Variants in DNAJC27 observed in about 807,000 individuals in gnomAD.
DNAJC27 encodes the protein dnaJ homolog subfamily C member 27.
Under a neutral mutation model 31.4 loss-of-function variants are expected in DNAJC27, and 25 were observed. The ratio of observed to expected loss-of-function variants is 0.80; its 90% confidence interval spans 0.58 to 1.11. DNAJC27 has a LOEUF of 1.11. Among genes scored for constraint, DNAJC27 ranks in the 50% most tolerant of loss-of-function variants. DNAJC27 has a pLI of 0.00. For missense variants in DNAJC27, 356 were observed against 347.3 expected, an observed-to-expected ratio of 1.02 and a Z score of -0.20; for synonymous variants, 106 against 112.7, an observed-to-expected ratio of 0.94 and a Z score of 0.37.
intron 3 of DNAJC27, among the ~76,000 whole-genome samples, chr2:24,959,332 T>A (rs1665986579): frequency 6.6e-6 from 1 of 152,170 alleles, no homozygotes; most frequent in Non-Finnish European, 1.5e-5. Flanking sequence ...TCGTTTTGAA[T>A]CCTTCCTCCC....
chr2:24,948,749 C>CT (rs1158239384), intron 6 of DNAJC27, among the ~76,000 whole-genome samples: 1 of 152,194 alleles, frequency 6.6e-6, no homozygotes, highest in Non-Finnish European at 1.5e-5. Flanking sequence ...TCATCATCCT[C>CT]TGGTGTCAGG....
intron 5 of DNAJC27, among the ~76,000 whole-genome samples, chr2:24,952,615 C>G (rs935983047): frequency 1.3e-5 from 2 of 151,952 alleles, no homozygotes; most frequent in Admixed American, 1.3e-4. Context: ...GGATAAATTC[C>G]TAAAAGCAGA....
intron 2 of DNAJC27, among the ~76,000 whole-genome samples, chr2:24,964,167 T>C (rs1336684640): frequency 6.6e-6 from 1 of 152,054 alleles, no homozygotes; most frequent in African/African-American, 2.4e-5. Flanking sequence ...ACGCCTGTAA[T>C]CCCAGCACTG....
intron 3 of DNAJC27, among the ~76,000 whole-genome samples, chr2:24,959,960 C>G (rs141413728): frequency 1.2e-4 from 19 of 152,290 alleles, no homozygotes; most frequent in Admixed American, 2.6e-4. Flanking sequence ...TTGTGTCACC[C>G]ACAGGGCCTA....
At position 24,947,113 on chromosome 2, in the gene DNAJC27, C is replaced by A. The variant is rs1293439962; in HGVS notation, c.*503G>T. Reference sequence around the variant, plus strand: ...GCTGCCAAGAGTCATCATTATAGATCGATGGGTTAAAATACCACCTAAGGA... The same window carrying A: ...GCTGCCAAGAGTCATCATTATAGATAGATGGGTTAAAATACCACCTAAGGA... On this transcript the variant is annotated 3_prime_UTR_variant, in exon 7 of 7. Coordinates refer to ENST00000264711, the MANE Select transcript of DNAJC27 (RefSeq NM_016544.3). 6.5e-6 allele frequency: 1 copy of A among 153,012 alleles called. No homozygotes were observed. The highest frequency in any genetic ancestry group is 1.9e-4 in the East Asian group (1 of 5,214). 9.5% of individuals were successfully genotyped at this position (153,012 alleles called of 1,614,324 possible).
rs1401006598 is a variant in DNAJC27, at chr2:24,967,253, G to T, written c.128C>A (p.Ser43Tyr). Reference protein sequence around the residue: ...IKRYCEKRFVSKYLATIGIDY... With the variant: ...IKRYCEKRFVYKYLATIGIDY... ...AATTCCAATTGTTGCCAGGTATTTA[G>T]ACACGAATCTTTTCTCACAGTATCG... The change falls in exon 2 of 7, where the codon TCT (serine) becomes TAT (tyrosine). Residue 43 changes from serine to tyrosine, a missense_variant. Coordinates refer to ENST00000264711, the MANE Select transcript of DNAJC27 (RefSeq NM_016544.3). 3.7e-6 allele frequency: 6 copies of T among 1,613,758 alleles called. No individual in the cohort carries two copies. Among genetic ancestry groups the T allele is most frequent in the Non-Finnish European group, 5.1e-6 (6 of 1,179,838 alleles).
At chr2:24,957,737 CTTTTT>C (rs1665942200) in intron 4 of DNAJC27, 68 bp downstream of exon 4, 11 of 1,386,020 alleles carry the variant, frequency 7.9e-6, no homozygotes, top group South Asian at 2.6e-5. Context: ...TTTTTCTTTT[CTTTTT>C]GTTTCCCAAC....
At chr2:24,957,567 C>T (rs2241834) in intron 4 of DNAJC27, among the ~76,000 whole-genome samples, 14,133 of 151,880 alleles carry the variant, frequency 0.093, 890 homozygotes, top group East Asian at 0.25. Flanking sequence ...CCATTGCTCC[C>T]ACTCAGTCAC....
chr2:24,952,342 C>T (rs79574809), intron 5 of DNAJC27, among the ~76,000 whole-genome samples: 74 of 152,248 alleles, frequency 4.9e-4, no homozygotes, highest in Non-Finnish European at 9.7e-4. Context: ...TAAAGGAGAT[C>T]AGACTAAACA....
intron 1 of DNAJC27, among the ~76,000 whole-genome samples, chr2:24,967,953 CCTTT>C (rs1313758475): frequency 6.8e-6 from 1 of 147,718 alleles, no homozygotes; most frequent in Non-Finnish European, 1.5e-5. Flanking sequence ...TAGATTAATT[CCTTT>C]TTTTTTTTTT....
Position 24,947,664 on chromosome 2 carries a change from G to A in DNAJC27, c.774C>T (p.Phe258=). 6.2e-7 allele frequency: 1 copy of A among 1,612,942 alleles called. No individual in the cohort carries two copies. The highest frequency in any genetic ancestry group is 8.5e-7 in the Non-Finnish European group (1 of 1,179,056). The change falls in exon 7 of 7, where the codon TTC becomes TTT. Residue 258 remains phenylalanine, a synonymous_variant. Coordinates refer to ENST00000264711, the MANE Select transcript of DNAJC27 (RefSeq NM_016544.3). ...KCVAPGSEDA[F]KAVVNARTAL... Reference sequence around the variant, plus strand: ...CTGTCCGAGCATTCACAACTGCTTTGAAGGCATCTTCACTGCCAGGTGCTA... The same window carrying A: ...CTGTCCGAGCATTCACAACTGCTTTAAAGGCATCTTCACTGCCAGGTGCTA...
At chr2:24,956,924 AAAAG>A in intron 5 of DNAJC27, 115 bp downstream of exon 5, 2 of 1,235,674 alleles carry the variant, frequency 1.6e-6, no homozygotes, top group Non-Finnish European at 2.2e-6. Context: ...AGATTCTTTG[AAAAG>A]AAAGAGCTTA....
rs773425774 is a variant in DNAJC27, at chr2:24,963,500, CGAAA to C, written c.171-30_171-27del. ...CTGAAATGTTCAAATGGAAACAATC[CGAAA>C]GAAAGTCATGGTTTCTCCATTTACC... is the stretch of plus-strand genomic sequence containing the variant. On this transcript the variant is annotated intron_variant, in intron 2 of 6. Coordinates refer to ENST00000264711, the MANE Select transcript of DNAJC27 (RefSeq NM_016544.3). 8.2e-6 allele frequency: 13 copies of C among 1,581,554 alleles called. No homozygotes were observed. In the African/African-American group the frequency reaches 1.3e-4, roughly 16 times the overall value.
chr2:24,964,510 T>A (rs953924605), intron 2 of DNAJC27, among the ~76,000 whole-genome samples: 1 of 151,364 alleles, frequency 6.6e-6, no homozygotes, highest in Non-Finnish European at 1.5e-5. Flanking sequence ...GGCCAACAGG[T>A]AGAGAGGGAG....
At chr2:24,951,291 C>T (rs1354495468) in intron 6 of DNAJC27, 103 bp downstream of exon 6, 24 of 1,170,228 alleles carry the variant, frequency 2.1e-5, no homozygotes, top group African/African-American at 3.1e-5. Context: ...CATACATCTT[C>T]GTATTTCCAG....
At chr2:24,971,487 G>A in intron 1 of DNAJC27, 2 of 203,252 alleles carry the variant, frequency 9.8e-6, no homozygotes, top group East Asian at 1.1e-4. Flanking sequence ...CCCGGTCCCG[G>A]ACGGCCCCCT....
chr2:24,956,915 G>T, intron 5 of DNAJC27, 128 bp downstream of exon 5: 1 of 1,125,388 alleles, frequency 8.9e-7, no homozygotes, highest in Admixed American at 2.8e-5. Flanking sequence ...TATCTCACTA[G>T]ATTCTTTGAA....
At chr2:24,953,927 C>A (rs1185215343) in intron 5 of DNAJC27, among the ~76,000 whole-genome samples, 12 of 152,164 alleles carry the variant, frequency 7.9e-5, no homozygotes. Flanking sequence ...TACTATCGAA[C>A]TGGAAAAAAA....
At chr2:24,967,423 G>A in intron 1 of DNAJC27, 130 bp from the exon 2 acceptor site, 4 of 722,796 alleles carry the variant, frequency 5.5e-6, no homozygotes, top group Non-Finnish European at 9.1e-6. Context: ...AAAAGTGGCG[G>A]GGCGCGGTGG....
Sources: allele counts gnomAD v4.1 joint callset (sites outside exome capture counted in the v4.1 genomes callset), GRCh38; gene constraint gnomAD v4.1.1; transcripts MANE v1.5; gene names NCBI Gene and HGNC (gene_info 2026-07-23, HGNC 2026-07-21).